The following P2RX7 variants were observed in gnomAD, a reference collection of about 807,000 sequenced individuals.
P2RX7 encodes P2X purinoceptor 7.
In P2RX7, 62 loss-of-function variants were observed where a neutral mutation model predicts 71.6. That is an observed-to-expected ratio of 0.87 (90% CI 0.71 to 1.07). The LOEUF (loss-of-function observed/expected upper bound fraction) is 1.07. Ranked by LOEUF, P2RX7 falls within the 50% of genes least tolerant of loss-of-function variation. The probability of loss-of-function intolerance (pLI) is 0.00; values close to 1 mark genes in which losing one functional copy is unlikely to be tolerated. For synonymous variants in P2RX7, 299 were observed against 283.3 expected (o/e 1.06, Z -0.56); for missense variants, 686 against 748.5 (o/e 0.92, Z 0.97).
chr12:121,142,457 C>A (rs539521923), intron 1 of P2RX7, among the ~76,000 whole-genome samples: 1 of 152,110 alleles, frequency 6.6e-6, no homozygotes, highest in Non-Finnish European at 1.5e-5. Flanking sequence ...ACTTCTCTCC[C>A]GGGACCAGAA....
chr12:121,142,152 G>A (rs594423), intron 1 of P2RX7, among the ~76,000 whole-genome samples: 17,470 of 152,174 alleles, frequency 0.11, 1,387 homozygotes, highest in African/African-American at 0.22. Context: ...GGCTGTATTA[G>A]TTTCTATTTG....
At chr12:121,144,919 G>A (rs149481328) in intron 1 of P2RX7, among the ~76,000 whole-genome samples, 15 of 152,278 alleles carry the variant, frequency 9.9e-5, no homozygotes, top group Non-Finnish European at 2.1e-4. Context: ...GGAAATGCAG[G>A]AGAAACAGCC....
chr12:121,156,326 A>G (rs1878575922), intron 3 of P2RX7, among the ~76,000 whole-genome samples, 179 bp downstream of exon 3: 1 of 152,142 alleles, frequency 6.6e-6, no homozygotes, highest in Non-Finnish European at 1.5e-5. Flanking sequence ...AACACATGGC[A>G]GTGTCTCTCC....
chr12:121,159,827 C>T (rs113814932), intron 3 of P2RX7, among the ~76,000 whole-genome samples: 7 of 152,300 alleles, frequency 4.6e-5, no homozygotes, highest in African/African-American at 1.4e-4. Context: ...GCTGAGTCTC[C>T]GCACCTGTTT....
In P2RX7 at chr12:121,179,093, G is replaced by T. The variant is rs191954471; in HGVS notation, c.1189-1261G>T. Among the ~76,000 whole-genome samples the T allele has an allele frequency of 3.1e-3, 469 of 152,196 alleles. 2 individuals carry two copies. The highest frequency in any genetic ancestry group is 6.8e-3 in the Middle Eastern group (2 of 294). On this transcript the variant is annotated intron_variant, in intron 11 of 12. Coordinates refer to ENST00000328963, the MANE Select transcript of P2RX7 (RefSeq NM_002562.6). ...GTGGGGGAGTAGGAGTAGTCAAAGAGATTTTAGCGTCATCTGTATTGTTTT... is the reference window on the plus strand; with the variant it reads ...GTGGGGGAGTAGGAGTAGTCAAAGATATTTTAGCGTCATCTGTATTGTTTT...
At chr12:121,171,865 T>TC (rs1555228394) in intron 8 of P2RX7, among the ~76,000 whole-genome samples, 7 of 143,472 alleles carry the variant, frequency 4.9e-5, no homozygotes, top group South Asian at 2.2e-4. Flanking sequence ...TTTCTTTCTT[T>TC]TTTTTTTTTT....
intron 8 of P2RX7, 31 bp downstream of exon 8, chr12:121,167,655 A>G: frequency 6.7e-7 from 1 of 1,494,362 alleles, no homozygotes; most frequent in Non-Finnish European, 8.9e-7. Flanking sequence ...AAACTCACCC[A>G]GTGGCTGAAT....
rs200957980 is a variant in P2RX7 at position 121,154,756 on chromosome 12, G to A, written c.126-29G>A. On this transcript the variant is annotated intron_variant, in intron 1 of 12. Transcript: ENST00000328963. The surrounding 1 kb of genome is among the most constrained non-coding windows in gnomAD (Gnocchi z 4.2). ...CCCAACCCGCTGTGCTATGCCTCCC[G>A]TTGATGCTTTCCCATGTCTGCCATT... 26 of 1,510,402 alleles carry A rather than the reference G, an allele frequency of 1.7e-5. No homozygotes were observed. The highest frequency in any genetic ancestry group is 6.9e-5 in the African/African-American group (5 of 72,992). The allele number at this position is 1,510,402 out of a possible 1,614,324, so 93.6% of individuals were successfully genotyped here.
intron 1 of P2RX7, among the ~76,000 whole-genome samples, chr12:121,134,087 T>A (rs754587028): frequency 2.4e-4 from 36 of 152,208 alleles, no homozygotes; most frequent in Non-Finnish European, 4.1e-4. Flanking sequence ...CTTTTTTCTA[T>A]CCATTCATCC....
At chr12:121,163,518 A>G (rs1223006980) in intron 5 of P2RX7, among the ~76,000 whole-genome samples, 3 of 152,134 alleles carry the variant, frequency 2.0e-5, no homozygotes, top group Admixed American at 2.0e-4. Flanking sequence ...AAATGCGACT[A>G]CTGAATTTTT....
At chr12:121,156,632 T>C (rs145202233) in intron 3 of P2RX7, among the ~76,000 whole-genome samples, 27 of 152,248 alleles carry the variant, frequency 1.8e-4, no homozygotes, top group African/African-American at 1.9e-4. Flanking sequence ...ACTCACAGCT[T>C]CTCCTACCAT....
chr12:121,176,751 C>CAAAAA (rs34853051), intron 9 of P2RX7, among the ~76,000 whole-genome samples: 1 of 68,762 alleles, frequency 1.5e-5, no homozygotes. Flanking sequence ...GACTCTGTCT[C>CAAAAA]AAAAAAAAAA....
chr12:121,175,540 T>A, intron 9 of P2RX7, 62 bp downstream of exon 9: 1 of 792,880 alleles, frequency 1.3e-6, no homozygotes, highest in Non-Finnish European at 2.3e-6. Context: ...ATTACTGCTG[T>A]GGGGCCTCCA....
intron 1 of P2RX7, among the ~76,000 whole-genome samples, chr12:121,145,101 A>G (rs189306324): frequency 1.4e-4 from 21 of 152,318 alleles, no homozygotes; most frequent in Non-Finnish European, 2.9e-5. Context: ...AGAAGGTGCA[A>G]CCGACCAGCA....
At position 121,166,160 on chromosome 12, in the gene P2RX7, C is replaced by T. The variant is rs143136976; in HGVS notation, c.717C>T (p.Gly239=). 2.0e-5 allele frequency: 33 copies of T among 1,613,568 alleles called. No individual in the cohort carries two copies. The highest frequency in any genetic ancestry group is 2.0e-4 in the South Asian group (18 of 91,062). ...TAGGAGACATCTTCCGAGAAACAGG[C>T]GATAATTTTTCAGATGTGGCAATTC... is the stretch of plus-strand genomic sequence containing the variant. ...FRLGDIFRET[G]DNFSDVAIQG... The change falls in exon 7 of 13, where the codon GGC becomes GGT. Residue 239 remains glycine (G), a synonymous_variant. Coordinates refer to ENST00000328963, the MANE Select transcript of P2RX7 (RefSeq NM_002562.6).
At chr12:121,179,699 T>C (rs2136155841) in intron 11 of P2RX7, among the ~76,000 whole-genome samples, 1 of 152,226 alleles carries the variant, frequency 6.6e-6, no homozygotes, top group East Asian at 1.9e-4. Context: ...AACATGTAAA[T>C]AATTTAAGTT....
At chr12:121,163,336 A>ACACG in intron 5 of P2RX7, among the ~76,000 whole-genome samples, 1 of 123,038 alleles carries the variant, frequency 8.1e-6, no homozygotes, top group African/African-American at 3.4e-5. Flanking sequence ...TTACACACAC[A>ACACG]CACACACACA....
Position 121,132,986 on chromosome 12 carries a change from A to G in P2RX7, c.16A>G (p.Ser6Gly), listed in dbSNP as rs1405807088. MPACC[S>G]CSDVFQYETN... ...GGCTGTCACCATGCCGGCCTGCTGC[A>G]GCTGCAGTGATGTTTTCCAGTATGA... The change falls in exon 1 of 13, where the codon AGC becomes GGC. Residue 6 changes from serine to glycine, a missense_variant. Transcript: ENST00000328963. 6.2e-7 allele frequency: 1 copy of G among 1,613,878 alleles called. No individual in the cohort carries two copies. Among genetic ancestry groups the G allele is most frequent in the Non-Finnish European group, 8.5e-7 (1 of 1,179,956 alleles).
intron 5 of P2RX7, among the ~76,000 whole-genome samples, chr12:121,163,597 G>GA (rs1880324989): frequency 7.7e-6 from 1 of 130,182 alleles, no homozygotes; most frequent in Admixed American, 7.9e-5. Flanking sequence ...AGATAGACAG[G>GA]TAGATAGATA....
Sources: allele counts gnomAD v4.1 joint callset (sites outside exome capture counted in the v4.1 genomes callset), GRCh38; gene constraint gnomAD v4.1.1; non-coding constraint Gnocchi (gnomAD v3.1); transcripts MANE v1.5; gene names NCBI Gene and HGNC (gene_info 2026-07-23, HGNC 2026-07-21).